Variants in MAGI2 observed in about 807,000 individuals in gnomAD.
MAGI2 encodes membrane-associated guanylate kinase, WW and PDZ domain-containing protein 2.
Under a neutral mutation model 133.3 loss-of-function variants are expected in MAGI2, and 35 were observed. That is an observed-to-expected ratio of 0.26 (90% CI 0.20 to 0.35). The LOEUF is 0.35. MAGI2 is among the 10% of genes least tolerant of loss of function. The probability of loss-of-function intolerance (pLI) is 1.00; values close to 1 mark genes in which losing one functional copy is unlikely to be tolerated. For synonymous variants in MAGI2, 729 were observed against 710.6 expected, an observed-to-expected ratio of 1.03 and a Z score of -0.41; for missense variants, 1,636 against 1,863.4, an observed-to-expected ratio of 0.88 and a Z score of 2.25.
chr7:79,185,878 A>G (rs1290142280), intron 1 of MAGI2, among the ~76,000 whole-genome samples: 1 of 151,760 alleles, frequency 6.6e-6, no homozygotes, highest in East Asian at 1.9e-4. Flanking sequence ...TAAAATGATC[A>G]GGCCTAAGGT....
At chr7:79,213,652 ATGTG>A (rs945947787) in intron 1 of MAGI2, among the ~76,000 whole-genome samples, 16 of 152,110 alleles carry the variant, frequency 1.1e-4, no homozygotes, top group Middle Eastern at 3.2e-3. Flanking sequence ...AAAAATAAAT[ATGTG>A]TGTAAAAAAT....
chr7:79,070,030 C>G (rs573499936), intron 1 of MAGI2, among the ~76,000 whole-genome samples: 66 of 152,202 alleles, frequency 4.3e-4, no homozygotes, highest in African/African-American at 1.5e-3. Flanking sequence ...CTCTGCCTAC[C>G]CTTAACTTTT....
chr7:78,402,036 C>T (rs781644976), intron 6 of MAGI2, among the ~76,000 whole-genome samples: 1 of 152,130 alleles, frequency 6.6e-6, no homozygotes, highest in Non-Finnish European at 1.5e-5. Flanking sequence ...GCTCCCGATC[C>T]TAACAGAATT....
intron 9 of MAGI2, among the ~76,000 whole-genome samples, chr7:78,327,701 C>T (rs1788726513): frequency 6.6e-6 from 1 of 152,134 alleles, no homozygotes; most frequent in African/African-American, 2.4e-5. Flanking sequence ...ATAAGGTTTG[C>T]TGAATAAATG....
chr7:78,481,830 A>T (rs1398317138), intron 6 of MAGI2, among the ~76,000 whole-genome samples: 1 of 151,934 alleles, frequency 6.6e-6, no homozygotes, highest in Admixed American at 6.6e-5. Flanking sequence ...ACATGAAAAA[A>T]AATTGGGACC....
At chr7:78,427,722 T>C (rs1319911132) in intron 6 of MAGI2, among the ~76,000 whole-genome samples, 3 of 151,730 alleles carry the variant, frequency 2.0e-5, no homozygotes, top group Non-Finnish European at 1.5e-5. Context: ...GAAGCTTACA[T>C]TTATTCTATT....
rs189824007 is a variant in MAGI2 at position 78,735,587 on chromosome 7, G to C, written c.419-108348C>G. On this transcript the variant is annotated intron_variant, in intron 2 of 21. Coordinates refer to ENST00000354212, the MANE Select transcript of MAGI2 (RefSeq NM_012301.4). ...TCCAACAGAGATGACTACAATTTTG[G>C]ATGACTCACACTCTTATAGAACAAA... Among the ~76,000 whole-genome samples, 155 of 152,222 alleles carry C rather than the reference G, an allele frequency of 1.0e-3. 1 individual carries two copies. The highest frequency in any genetic ancestry group is 3.6e-3 in the African/African-American group (148 of 41,546).
intron 2 of MAGI2, among the ~76,000 whole-genome samples, chr7:78,981,824 C>T (rs547113259): frequency 1.3e-5 from 2 of 151,890 alleles, no homozygotes; most frequent in Non-Finnish European, 2.9e-5. Flanking sequence ...TAAATTCATA[C>T]TTTGCAATTT....
chr7:78,744,193 A>T (rs959471643), intron 2 of MAGI2, among the ~76,000 whole-genome samples: 3 of 152,184 alleles, frequency 2.0e-5, no homozygotes, highest in Non-Finnish European at 4.4e-5. Flanking sequence ...CTTTCGTCAT[A>T]GAATTTCTTT....
At chr7:78,255,048 T>C (rs919546107) in intron 10 of MAGI2, 1 of 152,258 alleles carries the variant, frequency 6.6e-6, no homozygotes, top group African/African-American at 2.4e-5. Context: ...GCCTGATCCT[T>C]TTCCTTTACA....
At chr7:78,892,711 C>T (rs1235357781) in intron 2 of MAGI2, among the ~76,000 whole-genome samples, 11 of 152,242 alleles carry the variant, frequency 7.2e-5, no homozygotes, top group African/African-American at 2.4e-4. Context: ...TTCCTTACAC[C>T]TTACACAAAA....
At chr7:78,718,559 G>A (rs1421998293) in intron 2 of MAGI2, among the ~76,000 whole-genome samples, 3 of 151,770 alleles carry the variant, frequency 2.0e-5, no homozygotes, top group African/African-American at 2.4e-5. Flanking sequence ...TAGGTTGTCC[G>A]CTCCTTATGA....
At chr7:79,069,150 T>A (rs970493969) in intron 1 of MAGI2, among the ~76,000 whole-genome samples, 2 of 152,194 alleles carry the variant, frequency 1.3e-5, no homozygotes, top group African/African-American at 4.8e-5. Context: ...GTCCTGCATA[T>A]CTTTGTTAAT....
chr7:79,063,617 TG>T (rs1232556485), intron 1 of MAGI2, among the ~76,000 whole-genome samples: 1 of 152,074 alleles, frequency 6.6e-6, no homozygotes, highest in Non-Finnish European at 1.5e-5. Context: ...AAGAGAGAAA[TG>T]AGCCAATATA....
intron 9 of MAGI2, among the ~76,000 whole-genome samples, chr7:78,295,724 A>T (rs1562774197): frequency 6.6e-6 from 1 of 152,094 alleles, no homozygotes; most frequent in South Asian, 2.1e-4. Flanking sequence ...AATGTCATCT[A>T]TTATGTCAGT....
intron 6 of MAGI2, among the ~76,000 whole-genome samples, chr7:78,392,834 G>A (rs922872332): frequency 6.6e-6 from 1 of 151,938 alleles, no homozygotes; most frequent in African/African-American, 2.4e-5. Context: ...GTAGAGATGG[G>A]GTTTCTCCAT....
chr7:78,987,206 C>G (rs573871140), intron 2 of MAGI2, among the ~76,000 whole-genome samples: 3 of 151,972 alleles, frequency 2.0e-5, no homozygotes, highest in Non-Finnish European at 2.9e-5. Context: ...TACACTGCTT[C>G]ATGACTTTAG....
At chr7:78,192,523 C>CTT (rs35559367) in intron 12 of MAGI2, among the ~76,000 whole-genome samples, 48,545 of 139,680 alleles carry the variant, frequency 0.35, 8,481 homozygotes, top group East Asian at 0.48. Flanking sequence ...AAAAGGCTGT[C>CTT]TTTTTTTTTT....
intron 1 of MAGI2, among the ~76,000 whole-genome samples, chr7:79,176,001 A>G (rs1826060330): frequency 6.6e-6 from 1 of 152,038 alleles, no homozygotes; most frequent in Admixed American, 6.6e-5. Context: ...TGTTAAAGAC[A>G]AGAAATTGAA....
Sources: allele counts gnomAD v4.1 joint callset (sites outside exome capture counted in the v4.1 genomes callset), GRCh38; gene constraint gnomAD v4.1.1; transcripts MANE v1.5; gene names NCBI Gene and HGNC (gene_info 2026-07-23, HGNC 2026-07-21).